Variants in MOK observed in about 807,000 individuals in gnomAD.
The protein encoded by MOK is MAPK/MAK/MRK overlapping kinase.
Under a neutral mutation model 54.2 loss-of-function variants are expected in MOK, and 59 were observed. The observed-to-expected ratio is 1.09, with a 90% CI of 0.88 to 1.35. The LOEUF (loss-of-function observed/expected upper bound fraction) is 1.35, where lower values mean the gene tolerates loss of function less well. Among genes scored for constraint, MOK ranks in the 40% most tolerant of loss-of-function variants. The probability of loss-of-function intolerance (pLI) is 0.00; values close to 1 mark genes in which losing one functional copy is unlikely to be tolerated. For synonymous variants in MOK, 210 were observed against 202.7 expected (o/e 1.04, Z -0.31); for missense variants, 517 against 526.2 (o/e 0.98, Z 0.17).
chr14:102,260,586 C>G (rs1184750179), intron 4 of MOK: 1 of 152,048 alleles, frequency 6.6e-6, no homozygotes, highest in Non-Finnish European at 1.5e-5. Flanking sequence ...GTTGGCCATT[C>G]TCCTTACATT....
downstream of MOK, chr14:102,222,705 C>T (rs2153073086): frequency 2.1e-6 from 2 of 946,840 alleles, no homozygotes; most frequent in Middle Eastern, 4.2e-4. This position sits in a 1 kb window ranked among gnomAD's most constrained non-coding sequence, Gnocchi z 4.4. Context: ...AGGGTTTGCT[C>T]CCACACTGGC....
chr14:102,279,569 G>A (rs1458865254), intron 2 of MOK, among the ~76,000 whole-genome samples: 7 of 152,128 alleles, frequency 4.6e-5, no homozygotes, highest in Non-Finnish European at 1.0e-4. Context: ...GCCTCCCAAA[G>A]TGCTGGGATT....
Position 102,249,930 on chromosome 14 carries a change from C to T in MOK, c.590+882G>A, listed in dbSNP as rs60609859. Among the ~76,000 whole-genome samples the T allele has an allele frequency of 0.1, 15,830 of 152,032 alleles. 1,156 individuals carry two copies. Among genetic ancestry groups the T allele is most frequent in the African/African-American group, 0.2 (8,370 of 41,414 alleles). On this transcript the variant is annotated intron_variant, in intron 7 of 11. Transcript: ENST00000361847. The surrounding 1 kb of genome is among the most constrained non-coding windows in gnomAD (Gnocchi z 5.3). Reference sequence around the variant, plus strand: ...CAGCCCAGTTTGGTGGCTGGTGCACCGTGGGCCGTCTTGTGCGCTGGTGAG... The same window carrying T: ...CAGCCCAGTTTGGTGGCTGGTGCACTGTGGGCCGTCTTGTGCGCTGGTGAG...
At chr14:102,214,838 A>G in the MOK span, 2 of 983,464 alleles carry the variant, frequency 2.0e-6, no homozygotes, top group East Asian at 1.1e-4. Context: ...GTATTGTTTT[A>G]TAATTTTAAG....
chr14:102,247,754 G>C (rs942249511), intron 7 of MOK, among the ~76,000 whole-genome samples: 3 of 152,168 alleles, frequency 2.0e-5, no homozygotes, highest in African/African-American at 4.8e-5. Context: ...GAACAGTGTT[G>C]CTTTTATCGT....
intron 2 of MOK, among the ~76,000 whole-genome samples, chr14:102,271,329 C>T (rs143725871): frequency 6.6e-6 from 1 of 152,292 alleles, no homozygotes; most frequent in Non-Finnish European, 1.5e-5. Flanking sequence ...TGTTCCACCA[C>T]TTCGTCGTGA....
Position 102,229,102 on chromosome 14 carries a change from A to G in MOK, c.*187T>C. ...TGGTTTTACAAGTATATTAGCCCAG[A>G]ACATCCTAGGCAGCTGCGCGGGCCG... On this transcript the variant is annotated 3_prime_UTR_variant, in exon 12 of 12. Coordinates refer to ENST00000361847, the MANE Select transcript of MOK (RefSeq NM_014226.3). 1.7e-6 allele frequency: 1 copy of G among 582,154 alleles called. No homozygotes were observed. The highest frequency in any genetic ancestry group is 3.0e-6 in the Non-Finnish European group (1 of 338,734). 36.1% of individuals were successfully genotyped at this position (582,154 alleles called of 1,614,324 possible).
downstream of MOK, chr14:102,226,107 T>A: frequency 1.7e-6 from 1 of 571,474 alleles, no homozygotes; most frequent in Non-Finnish European, 3.1e-6. This position sits in a 1 kb window ranked among gnomAD's most constrained non-coding sequence, Gnocchi z 4.8. Context: ...CTGCCGCCTG[T>A]CACACGAAGA....
chr14:102,273,699 A>G (rs1263692295), intron 2 of MOK, among the ~76,000 whole-genome samples: 1 of 152,046 alleles, frequency 6.6e-6, no homozygotes, highest in African/African-American at 2.4e-5. Flanking sequence ...GAATCTCTAG[A>G]ACCTGTGAAC....
In MOK at chr14:102,287,995, C is replaced by T. The variant is rs547383304; in HGVS notation, c.8-4403G>A. Among the ~76,000 whole-genome samples the T allele has an allele frequency of 1.6e-4, 24 of 151,590 alleles. No individual in the cohort carries two copies. In the South Asian group the frequency reaches 3.8e-3, roughly 24 times the overall value. On this transcript the variant is annotated intron_variant, in intron 1 of 11. Coordinates refer to ENST00000361847, the MANE Select transcript of MOK (RefSeq NM_014226.3). The stretch of plus-strand genomic sequence containing the variant: ...GATTACAGGCGCCCGCCACCGCGCC[C>T]GGCTAATTTTTTGTATTTTTAGTAG...
chr14:102,251,203 C>T (rs2066500677), intron 6 of MOK, among the ~76,000 whole-genome samples: 1 of 152,242 alleles, frequency 6.6e-6, no homozygotes, highest in Non-Finnish European at 1.5e-5. Flanking sequence ...AATATTCTGG[C>T]TGTTTCACAT....
intron 7 of MOK, among the ~76,000 whole-genome samples, chr14:102,246,950 A>T (rs1317174548): frequency 6.6e-6 from 1 of 152,088 alleles, no homozygotes; most frequent in Non-Finnish European, 1.5e-5. Flanking sequence ...AACAATAAAG[A>T]CAGGCTTCGT....
rs1005925514 is a variant in MOK, at chr14:102,230,306, A to T, written c.982-649T>A. On this transcript the variant is annotated intron_variant, in intron 10 of 11. Transcript: ENST00000361847. The surrounding 1 kb of genome is among the most constrained non-coding windows in gnomAD (Gnocchi z 4.1). ...CAAGTGATCCTACCCTGGCCTCCCT[A>T]AGCACTGGGTTTACAGGTGTGAGCC... is the stretch of plus-strand genomic sequence containing the variant. The T allele has an allele frequency of 1.3e-5, 2 of 152,290 alleles. No individual in the cohort carries two copies. Among genetic ancestry groups the T allele is most frequent in the African/African-American group, 4.8e-5 (2 of 41,386 alleles). The allele number at this position is 152,290 out of a possible 1,614,324, so 9.4% of individuals were successfully genotyped here. A position where few individuals can be genotyped will look rare whatever the true frequency, so the allele number is the denominator to read the frequency against.
chr14:102,269,487 T>C (rs1208106548), intron 2 of MOK, among the ~76,000 whole-genome samples: 1 of 151,098 alleles, frequency 6.6e-6, no homozygotes, highest in East Asian at 1.9e-4. Context: ...TTTTTTTTTT[T>C]TGTGAGACGG....
In MOK at chr14:102,249,560, T is replaced by C. The variant is rs2066366772; in HGVS notation, c.590+1252A>G. Among the ~76,000 whole-genome samples the C allele has an allele frequency of 6.6e-6, 1 of 152,018 alleles. No individual in the cohort carries two copies. Among genetic ancestry groups the C allele is most frequent in the African/African-American group, 2.4e-5 (1 of 41,410 alleles). On this transcript the variant is annotated intron_variant, in intron 7 of 11. Coordinates refer to ENST00000361847, the MANE Select transcript of MOK (RefSeq NM_014226.3). This position sits in a 1 kb window ranked among gnomAD's most constrained non-coding sequence, Gnocchi z 5.3. Reference sequence around the variant, plus strand: ...CCCCGTCTCTACTAAAAATACAAAATTAGCCGGGCGTGGTGGTGCATGCCT... The same window carrying C: ...CCCCGTCTCTACTAAAAATACAAAACTAGCCGGGCGTGGTGGTGCATGCCT...
intron 7 of MOK, among the ~76,000 whole-genome samples, chr14:102,239,440 T>TTCCTCTTA (rs1465893626): frequency 3.9e-5 from 5 of 126,978 alleles, no homozygotes; most frequent in South Asian, 2.2e-4. Context: ...TCCTTCTGAT[T>TTCCTCTTA]CTCAATTAGG....
Position 102,229,266 on chromosome 14 carries a change from G to A in MOK, c.*23C>T, listed in dbSNP as rs752281829. On this transcript the variant is annotated 3_prime_UTR_variant, in exon 12 of 12. Transcript: ENST00000361847. ...GGTCGGGCTTGGTGTTGCCTCCGAA[G>A]TCGAGACGACGGTGCTGCTCAGTTA... 1.3e-6 allele frequency: 2 copies of A among 1,567,078 alleles called. No homozygotes were observed. The highest frequency in any genetic ancestry group is 2.7e-5 in the African/African-American group (2 of 73,956).
intron 7 of MOK, among the ~76,000 whole-genome samples, chr14:102,239,417 T>TAAAAA: frequency 6.6e-6 from 1 of 152,178 alleles, no homozygotes; most frequent in East Asian, 1.9e-4. Context: ...CCTTTCCTCT[T>TAAAAA]ACAAAACAGG....
chr14:102,294,127 T>C (rs577403835), intron 1 of MOK, among the ~76,000 whole-genome samples: 110 of 150,832 alleles, frequency 7.3e-4, no homozygotes, highest in African/African-American at 2.7e-3. Context: ...TGGTGAAATC[T>C]TGTCTCTACC....
Sources: allele counts gnomAD v4.1 joint callset (sites outside exome capture counted in the v4.1 genomes callset), GRCh38; gene constraint gnomAD v4.1.1; non-coding constraint Gnocchi (gnomAD v3.1); transcripts MANE v1.5; gene names NCBI Gene and HGNC (gene_info 2026-07-23, HGNC 2026-07-21).